Variants in CD22 observed in about 807,000 individuals in gnomAD.
CD22 encodes B-cell receptor CD22.
In CD22, 51 loss-of-function variants were observed where a neutral mutation model predicts 94.7. That is an observed-to-expected ratio of 0.54 (90% confidence interval 0.43 to 0.68). CD22 has a LOEUF of 0.68. Among genes scored for constraint, CD22 ranks in the 30% least tolerant of loss-of-function variants. CD22 has a pLI of 0.00. For synonymous variants in CD22, 424 were observed against 422.5 expected (o/e 1.00, Z -0.04); for missense variants, 931 against 1,060.4 (o/e 0.88, Z 1.69).
rs565080840 is a variant in CD22, at chr19:35,332,882, A to C, written c.370A>C (p.Lys124Gln). ...SGQLGLRMES[K>Q]TEKWMERIHL... Reference sequence around the variant, plus strand: ...TCAGCTGGGGCTGAGGATGGAGTCCAAGACTGAGAAATGGATGGAACGAAT... The same window carrying C: ...TCAGCTGGGGCTGAGGATGGAGTCCCAGACTGAGAAATGGATGGAACGAAT... Residue 124 changes from lysine to glutamine, a missense_variant, in exon 3 of 14, where the codon AAG (lysine) becomes CAG (glutamine). Lys to Gln is a moderately conservative substitution (Grantham distance 53). Transcript: ENST00000085219. 39 of 1,614,114 alleles carry C rather than the reference A, an allele frequency of 2.4e-5. No homozygotes were observed. The highest frequency in any genetic ancestry group is 3.3e-5 in the Non-Finnish European group (39 of 1,180,044).
intron 3 of CD22, 57 bp from the exon 4 acceptor site, chr19:35,335,979 G>C (rs1404457936): frequency 1.8e-5 from 27 of 1,467,710 alleles, no homozygotes; most frequent in Non-Finnish European, 2.4e-5. Flanking sequence ...CTAAAGCCAG[G>C]TGTACGCTCA....
At chr19:35,333,513 A>C (rs2145649568) in intron 3 of CD22, among the ~76,000 whole-genome samples, 1 of 152,100 alleles carries the variant, frequency 6.6e-6, no homozygotes, top group South Asian at 2.1e-4. Context: ...AAAAATCATA[A>C]AATGTTTGTT....
chr19:35,340,820 G>A, intron 6 of CD22, 61 bp from the exon 7 acceptor site: 4 of 1,596,016 alleles, frequency 2.5e-6, no homozygotes, highest in Non-Finnish European at 3.4e-6. Context: ...GAGGAAGCAG[G>A]AGGGAAGGGG....
chr19:35,338,596 T>C (rs2066759877), intron 6 of CD22, among the ~76,000 whole-genome samples, 165 bp downstream of exon 6: 1 of 152,022 alleles, frequency 6.6e-6, no homozygotes, highest in Admixed American at 6.6e-5. Flanking sequence ...AGGGCCTGGC[T>C]CATGGAGGGT....
In CD22 at chr19:35,346,243, G is replaced by GGGTCTCCCCA. The variant is rs754205963; in HGVS notation, c.2412+20_2412+29dup. 6.2e-7 allele frequency: 1 copy of GGGTCTCCCCA among 1,611,782 alleles called. No individual in the cohort carries two copies. Among genetic ancestry groups the GGGTCTCCCCA allele is most frequent in the African/African-American group, 1.3e-5 (1 of 74,914 alleles). On this transcript the variant is annotated intron_variant, in intron 13 of 13. Coordinates refer to ENST00000085219, the MANE Select transcript of CD22 (RefSeq NM_001771.4). ...TTGCACAAGCGCCAAGTGGTAAGGA[G>GGGTCTCCCCA]GGTCTCCCCAGGTCTCCCCAGAGGG...
rs531398577 is a variant in CD22 at position 35,345,151 on chromosome 19, C to T, written c.2208+25C>T. The T allele has an allele frequency of 5.4e-5, 86 of 1,605,574 alleles. No homozygotes were observed. The African/African-American group carries it at 9.5e-4, about 18-fold the overall frequency. Reference sequence around the variant, plus strand: ...GGTAGGATGGGGCTGGGCACGATGGCTCATGCCTGTAATCCCAGCACTTTG... The same window carrying T: ...GGTAGGATGGGGCTGGGCACGATGGTTCATGCCTGTAATCCCAGCACTTTG... On this transcript the variant is annotated intron_variant, in intron 11 of 13. Transcript: ENST00000085219.
In CD22 at chr19:35,341,018, G is replaced by C. The variant is rs767936787; in HGVS notation, c.1387G>C (p.Glu463Gln). 1 of 1,614,242 alleles carries C rather than the reference G, an allele frequency of 6.2e-7. No individual in the cohort carries two copies. Among genetic ancestry groups the C allele is most frequent in the Non-Finnish European group, 8.5e-7 (1 of 1,180,048 alleles). The change falls in exon 7 of 14, where the codon GAG becomes CAG. Residue 463 changes from glutamate to glutamine, a missense_variant. Physicochemically the swap from Glu to Gln is conservative, Grantham distance 29. Transcript: ENST00000085219. This position sits in a 1 kb window ranked among gnomAD's most constrained non-coding sequence, Gnocchi z 4.0. ...RYEWKPHGAW[E>Q]EPSLGVLKIQ... Reference sequence around the variant, plus strand: ...TGAATGGAAACCCCATGGCGCCTGGGAGGAGCCATCGCTTGGGGTGCTGAA... The same window carrying C: ...TGAATGGAAACCCCATGGCGCCTGGCAGGAGCCATCGCTTGGGGTGCTGAA...
In CD22 at chr19:35,341,618, C is replaced by T; in HGVS notation, c.1771+12C>T. ...ACTTGAAGTGCTGTGTGAGTGAGGGCCGGAGGCTGGGAGTGGAGCAGAGAA... is the reference window on the plus strand; with the variant it reads ...ACTTGAAGTGCTGTGTGAGTGAGGGTCGGAGGCTGGGAGTGGAGCAGAGAA... On this transcript the variant is annotated intron_variant, in intron 8 of 13. Transcript: ENST00000085219. The surrounding 1 kb of genome is among the most constrained non-coding windows in gnomAD (Gnocchi z 4.0). 6.2e-7 allele frequency: 1 copy of T among 1,608,320 alleles called. No individual in the cohort carries two copies. Among genetic ancestry groups the T allele is most frequent in the Non-Finnish European group, 8.5e-7 (1 of 1,175,580 alleles).
intron 3 of CD22, 139 bp downstream of exon 3, chr19:35,333,063 G>A (rs772967465): frequency 3.0e-5 from 25 of 840,484 alleles, no homozygotes; most frequent in Non-Finnish European, 4.0e-5. Context: ...TGACGATGGC[G>A]ATGCAGCAGC....
At position 35,332,425 on chromosome 19, in the gene CD22, A is replaced by G. The variant is rs1174829261; in HGVS notation, c.35-122A>G. On this transcript the variant is annotated intron_variant, in intron 2 of 13. Coordinates refer to ENST00000085219, the MANE Select transcript of CD22 (RefSeq NM_001771.4). ...TCAGGAGTTCAAGGCCAGCTTGGAC[A>G]ACATAGCAAGACCCCTATCTCTAAA... The G allele has an allele frequency of 2.8e-6, 3 of 1,079,730 alleles. No homozygotes were observed. In the East Asian group the frequency reaches 8.0e-5, roughly 29 times the overall value. 66.9% of individuals were successfully genotyped at this position (1,079,730 alleles called of 1,614,324 possible).
At position 35,338,238 on chromosome 19, in the gene CD22, T is replaced by G; in HGVS notation, c.1056T>G (p.Leu352=). The G allele has an allele frequency of 1.2e-6, 2 of 1,614,220 alleles. No homozygotes were observed. The highest frequency in any genetic ancestry group is 2.2e-5 in the South Asian group (2 of 91,090). ...PAVEGSQVEF[L]CMSLANPLPT... ...TGGAGGGAAGTCAAGTCGAGTTTCT[T>G]TGCATGTCACTGGCCAATCCTCTTC... Residue 352 remains leucine (L), a synonymous_variant, in exon 6 of 14, where the codon CTT becomes CTG. Coordinates refer to ENST00000085219, the MANE Select transcript of CD22 (RefSeq NM_001771.4).
intron 2 of CD22, 194 bp downstream of exon 2, chr19:35,332,268 G>T: frequency 1.5e-6 from 1 of 652,846 alleles, no homozygotes; most frequent in Non-Finnish European, 2.6e-6. Context: ...TGCTGTCTTT[G>T]TGTATCTCTG....
intron 3 of CD22, among the ~76,000 whole-genome samples, chr19:35,334,465 T>TGTAG (rs2066689567): frequency 6.6e-6 from 1 of 152,260 alleles, no homozygotes; most frequent in Admixed American, 6.5e-5. Context: ...GCACTGCACA[T>TGTAG]GTAGGGGTGG....
chr19:35,334,250 T>C (rs1039556512), intron 3 of CD22, among the ~76,000 whole-genome samples: 2 of 152,150 alleles, frequency 1.3e-5, no homozygotes, highest in Non-Finnish European at 2.9e-5. Flanking sequence ...TCATTGTTCT[T>C]TGAAAGAGAG....
chr19:35,345,278 G>A (rs552312720), intron 11 of CD22, 152 bp downstream of exon 11: 81 of 661,294 alleles, frequency 1.2e-4, no homozygotes, highest in South Asian at 9.8e-4. Context: ...AAAATTAGCC[G>A]GGCGTGATGG....
chr19:35,335,966 C>A, intron 3 of CD22, 70 bp from the exon 4 acceptor site: 1 of 1,327,214 alleles, frequency 7.5e-7, no homozygotes, highest in South Asian at 1.4e-5. Context: ...TGGGACAGGA[C>A]ATCTAAAGCC....
rs1234631442 is a variant in CD22 at position 35,333,571 on chromosome 19, A to G, written c.412+647A>G. On this transcript the variant is annotated intron_variant, in intron 3 of 13. Transcript: ENST00000085219. ...CCCCTTCCCCTTCCTTTCCCTTTTT[A>G]TGAGACAGGGTCTCGCACTGTCATC... is the stretch of plus-strand genomic sequence containing the variant. Among the ~76,000 whole-genome samples the G allele has an allele frequency of 6.6e-5, 10 of 151,390 alleles. No individual in the cohort carries two copies. The East Asian group carries it at 1.9e-3, about 29-fold the overall frequency.
intron 6 of CD22, among the ~76,000 whole-genome samples, chr19:35,339,434 G>A (rs566393815): frequency 2.6e-5 from 4 of 152,066 alleles, no homozygotes; most frequent in Admixed American, 6.6e-5. Flanking sequence ...ATGCATGCCT[G>A]TAGTCTCAGC....
chr19:35,342,956 G>A (rs886279420), intron 9 of CD22, among the ~76,000 whole-genome samples: 6 of 152,132 alleles, frequency 3.9e-5, no homozygotes, highest in African/African-American at 9.6e-5. Context: ...GACTACAGGC[G>A]CCTGCCACCA....
Sources: allele counts gnomAD v4.1 joint callset (sites outside exome capture counted in the v4.1 genomes callset), GRCh38; gene constraint gnomAD v4.1.1; non-coding constraint Gnocchi (gnomAD v3.1); transcripts MANE v1.5; gene names NCBI Gene and HGNC (gene_info 2026-07-23, HGNC 2026-07-21).